The following FAT4 variants were observed in gnomAD, a reference collection of about 807,000 sequenced individuals.
FAT4 encodes protocadherin Fat 4.
In FAT4, 84 loss-of-function variants were observed where a neutral mutation model predicts 303.9. The observed-to-expected ratio is 0.28, with a 90% CI of 0.23 to 0.33. FAT4 has a LOEUF of 0.33. Among genes scored for constraint, FAT4 ranks in the 10% least tolerant of loss-of-function variants. The pLI is 1.00. For synonymous variants in FAT4, 2,307 were observed against 2,298.8 expected (o/e 1.00, Z -0.10); for missense variants, 6,005 against 6,146.8 (o/e 0.98, Z 0.77).
intron 2 of FAT4, among the ~76,000 whole-genome samples, chr4:125,342,845 A>G (rs1451159532): frequency 1.3e-5 from 2 of 151,934 alleles, no homozygotes; most frequent in Non-Finnish European, 2.9e-5. Flanking sequence ...TACTACTTTT[A>G]TTTCTTAGTT....
intron 9 of FAT4, 27 bp downstream of exon 9, chr4:125,446,570 T>A (rs745521019): frequency 2.5e-6 from 4 of 1,581,852 alleles, no homozygotes; most frequent in Non-Finnish European, 3.5e-6. Context: ...TGAGGCCACA[T>A]GGATATAAAC....
Position 125,463,616 on chromosome 4 carries a change from G to T in FAT4, c.11854G>T (p.Gly3952Cys). 6.2e-7 allele frequency: 1 copy of T among 1,602,074 alleles called. No homozygotes were observed. The highest frequency in any genetic ancestry group is 8.5e-7 in the Non-Finnish European group (1 of 1,172,756). ...CTGTGAATGCAACCCCTGCTTTAAT[G>T]GTGGTTCCTGCCAAAGTGGTGTGGA... is the stretch of plus-strand genomic sequence containing the variant. ...NYCECNPCFN[G>C]GSCQSGVDSY... is the part of the protein sequence containing the mutation. The change falls in exon 11 of 18, where the codon GGT becomes TGT. Residue 3952 changes from glycine (G) to cysteine (C), a missense_variant. Gly to Cys is a radical substitution (Grantham distance 159). Transcript: ENST00000394329.
Position 125,316,337 on chromosome 4 carries a change from T to G in FAT4, c.-12-63T>G. ...CAGCTGAATCTTTGCTGGCGCTCCTTAATCCCTGTAAATATCATTGCGTTT... is the reference window on the plus strand; with the variant it reads ...CAGCTGAATCTTTGCTGGCGCTCCTGAATCCCTGTAAATATCATTGCGTTT... On this transcript the variant is annotated intron_variant, in intron 1 of 17. Coordinates refer to ENST00000394329, the MANE Select transcript of FAT4 (RefSeq NM_001291303.3). The surrounding 1 kb of genome is among the most constrained non-coding windows in gnomAD (Gnocchi z 5.7). 4 of 1,511,602 alleles carry G rather than the reference T, an allele frequency of 2.6e-6. No homozygotes were observed. The South Asian group carries it at 5.2e-5, about 20-fold the overall frequency. 93.6% of individuals were successfully genotyped at this position (1,511,602 alleles called of 1,614,324 possible).
chr4:125,383,784 T>G (rs1290777405), intron 2 of FAT4, among the ~76,000 whole-genome samples: 1 of 152,160 alleles, frequency 6.6e-6, no homozygotes, highest in African/African-American at 2.4e-5. Flanking sequence ...GACAACTCAA[T>G]CAGTTCAGCT....
At position 125,415,571 on chromosome 4, in the gene FAT4, G is replaced by A. The variant is rs769135300; in HGVS notation, c.6608G>A (p.Arg2203Gln). ...AATGGTAATACCAATCAGGAATTTC[G>A]GATAGACTCTGTCACAGGTGCCATC... ...IVNGNTNQEF[R>Q]IDSVTGAITV... The change falls in exon 6 of 18, where the codon CGG becomes CAG. Residue 2203 changes from arginine to glutamine, a missense_variant. By Grantham distance (43) the Arg-to-Gln change is conservative. Coordinates refer to ENST00000394329, the MANE Select transcript of FAT4 (RefSeq NM_001291303.3). 30 of 1,613,838 alleles carry A rather than the reference G, an allele frequency of 1.9e-5. No homozygotes were observed. In the African/African-American group the frequency reaches 2.0e-4, roughly 11 times the overall value.
chr4:125,337,995 A>C (rs1731639632), intron 2 of FAT4, among the ~76,000 whole-genome samples: 1 of 152,286 alleles, frequency 6.6e-6, no homozygotes, highest in African/African-American at 2.4e-5. Context: ...CAAAATAAGT[A>C]TCCATTCACT....
rs1221374663 is a variant in FAT4 at position 125,384,355 on chromosome 4, T to C, written c.5176-14429T>C. On this transcript the variant is annotated intron_variant, in intron 2 of 17. Transcript: ENST00000394329. ...TTGTTATTATCTGTTGTTTTTAATA[T>C]AGCCATTTTTATGTGTGACATATTG... Among the ~76,000 whole-genome samples the C allele has an allele frequency of 3.3e-5, 5 of 152,212 alleles. No individual in the cohort carries two copies. In the East Asian group the frequency reaches 9.6e-4, roughly 29 times the overall value.
rs780485260 is a variant in FAT4 at position 125,468,833 on chromosome 4, T to C, written c.12213+14T>C. On this transcript the variant is annotated intron_variant, in intron 12 of 17. Transcript: ENST00000394329. ...AGAGCAGGAATGGTAAGATATTTCATTTTATTGTTGTTGTATATCCAACTG... is the reference window on the plus strand; with the variant it reads ...AGAGCAGGAATGGTAAGATATTTCACTTTATTGTTGTTGTATATCCAACTG... The C allele has an allele frequency of 6.3e-7, 1 of 1,598,908 alleles. No individual in the cohort carries two copies. Among genetic ancestry groups the C allele is most frequent in the South Asian group, 1.1e-5 (1 of 89,700 alleles).
intron 2 of FAT4, among the ~76,000 whole-genome samples, chr4:125,383,481 A>G (rs1361474835): frequency 6.6e-6 from 1 of 152,162 alleles, no homozygotes; most frequent in Non-Finnish European, 1.5e-5. Context: ...TAATTCTCCC[A>G]AGAAAATAGT....
chr4:125,443,106 T>C (rs545710549), intron 8 of FAT4, among the ~76,000 whole-genome samples: 116 of 152,206 alleles, frequency 7.6e-4, no homozygotes, highest in African/African-American at 2.8e-3. Flanking sequence ...GATCATATTC[T>C]CCCAGCAGAC....
chr4:125,434,280 G>A lies in FAT4; in HGVS notation c.7054G>A (p.Val2352Ile), dbSNP rs147151922. The A allele has an allele frequency of 3.8e-5, 61 of 1,613,838 alleles. No individual in the cohort carries two copies. The highest frequency in any genetic ancestry group is 3.1e-4 in the South Asian group (28 of 91,060). ...PALTGTGTIN[V>I]IVDDVNDNVP... is the part of the protein sequence containing the mutation. ...CTTGACTGGAACTGGAACAATCAAC[G>A]TCATAGTAGATGATGTCAATGACAA... Residue 2352 changes from valine (V) to isoleucine (I), a missense_variant, in exon 8 of 18, where the codon GTC becomes ATC. Val to Ile is a conservative substitution (Grantham distance 29). Coordinates refer to ENST00000394329, the MANE Select transcript of FAT4 (RefSeq NM_001291303.3).
At chr4:125,483,037 G>A (rs1344402036) in intron 16 of FAT4, among the ~76,000 whole-genome samples, 1 of 152,176 alleles carries the variant, frequency 6.6e-6, no homozygotes, top group East Asian at 1.9e-4. Context: ...CAAGAATGCT[G>A]CTAAACAGTA....
At chr4:125,414,037 T>A (rs1734946860) in intron 5 of FAT4, among the ~76,000 whole-genome samples, 1 of 152,010 alleles carries the variant, frequency 6.6e-6, no homozygotes. Flanking sequence ...TGCACATCGT[T>A]ACAGGCCAGA....
intron 16 of FAT4, among the ~76,000 whole-genome samples, 169 bp downstream of exon 16, chr4:125,481,907 C>G (rs566640188): frequency 6.6e-6 from 1 of 152,296 alleles, no homozygotes; most frequent in East Asian, 1.9e-4. Context: ...CAGGCATTGG[C>G]CAGAGTAACA....
At position 125,489,969 on chromosome 4, in the gene FAT4, A is replaced by G; in HGVS notation, c.13153A>G (p.Ser4385Gly). The G allele has an allele frequency of 6.2e-7, 1 of 1,610,680 alleles. No individual in the cohort carries two copies. Among genetic ancestry groups the G allele is most frequent in the Non-Finnish European group, 8.5e-7 (1 of 1,179,530 alleles). The change falls in exon 18 of 18, where the codon AGC becomes GGC. Residue 4385 changes from serine to glycine, a missense_variant. By Grantham distance (56) the Ser-to-Gly change is moderately conservative. Transcript: ENST00000394329. ...AAGTCTTCCTTTCAGCGGGAAGCATAGCTTGGCCTCCATCTCAAAAACAGA... is the reference window on the plus strand; with the variant it reads ...AAGTCTTCCTTTCAGCGGGAAGCATGGCTTGGCCTCCATCTCAAAAACAGA... ...GESLPFSGKH[S>G]LASISKTDPS...
intron 8 of FAT4, among the ~76,000 whole-genome samples, chr4:125,436,200 AAAAC>A (rs1342213562): frequency 7.3e-5 from 11 of 151,630 alleles, no homozygotes; most frequent in Admixed American, 5.3e-4. Flanking sequence ...TAATAAAAAA[AAAAC>A]AAAGAAATTG....
At chr4:125,427,117 C>T (rs1226133471) in intron 7 of FAT4, among the ~76,000 whole-genome samples, 7 of 151,598 alleles carry the variant, frequency 4.6e-5, no homozygotes, top group Non-Finnish European at 1.0e-4. Flanking sequence ...CTTTAATGTC[C>T]TCCAAATAGT....
chr4:125,382,364 C>T (rs1013994935), intron 2 of FAT4, among the ~76,000 whole-genome samples: 9 of 152,090 alleles, frequency 5.9e-5, no homozygotes, highest in African/African-American at 2.2e-4. Context: ...TGCTGTGTTA[C>T]CAGGAATGTA....
chr4:125,479,915 G>C (rs1254894336), intron 15 of FAT4, 50 bp downstream of exon 15: 1 of 1,424,674 alleles, frequency 7.0e-7, no homozygotes, highest in East Asian at 2.4e-5. Flanking sequence ...ACTATGAAAA[G>C]TAAAATATAT....
Sources: allele counts gnomAD v4.1 joint callset (sites outside exome capture counted in the v4.1 genomes callset), GRCh38; gene constraint gnomAD v4.1.1; non-coding constraint Gnocchi (gnomAD v3.1); transcripts MANE v1.5; gene names NCBI Gene and HGNC (gene_info 2026-07-23, HGNC 2026-07-21).